The following KIAA1671 variants were observed in gnomAD, a reference collection of about 807,000 sequenced individuals.
The protein encoded by KIAA1671 is uncharacterized protein KIAA1671.
A neutral mutation model predicts 131.2 loss-of-function variants in KIAA1671; 52 were observed. That is an observed-to-expected ratio of 0.40 (90% CI 0.32 to 0.50). KIAA1671 has a LOEUF of 0.50. Among genes scored for constraint, KIAA1671 ranks in the 20% least tolerant of loss-of-function variants. The probability of loss-of-function intolerance (pLI) is 0.73; values close to 1 mark genes in which losing one functional copy is unlikely to be tolerated. For missense variants in KIAA1671, 2,360 were observed against 2,364.2 expected (o/e 1.00, Z 0.04); for synonymous variants, 1,003 against 961.6 (o/e 1.04, Z -0.80).
rs1373019440 is a variant in KIAA1671, at chr22:25,177,341, C to G, written c.4900-7C>G. 3.9e-6 allele frequency: 6 copies of G among 1,544,856 alleles called. No individual in the cohort carries two copies. Among genetic ancestry groups the G allele is most frequent in the Non-Finnish European group, 5.2e-6 (6 of 1,142,966 alleles). ...TTTTTTCCTCTTCCTCCCTGCTGCT[C>G]CCAAAGCAAACCTCAGTCCTCGACT... On this transcript the variant is annotated splice_polypyrimidine_tract_variant and splice_region_variant and intron_variant, in intron 8 of 12. Coordinates refer to ENST00000358431, the MANE Select transcript of KIAA1671 (RefSeq NM_001145206.2).
intron 6 of KIAA1671, among the ~76,000 whole-genome samples, chr22:25,112,916 G>T (rs1278524115): frequency 6.6e-6 from 1 of 152,062 alleles, no homozygotes; most frequent in Non-Finnish European, 1.5e-5. Flanking sequence ...TCATTGGATT[G>T]CCAAGGAAAG....
chr22:25,174,600 G>A (rs982071678), intron 8 of KIAA1671, 111 bp downstream of exon 8: 43 of 1,231,010 alleles, frequency 3.5e-5, no homozygotes, highest in Non-Finnish European at 4.2e-5. Context: ...GAGTGGGTAC[G>A]GAGGGCACTG....
At chr22:25,032,965 A>C (rs1424593977) in intron 4 of KIAA1671, among the ~76,000 whole-genome samples, 1 of 152,166 alleles carries the variant, frequency 6.6e-6, no homozygotes, top group African/African-American at 2.4e-5. Flanking sequence ...TGGCTTTCTT[A>C]TATAGGAGTG....
chr22:25,038,785 G>C lies in KIAA1671; in HGVS notation c.1655G>C (p.Gly552Ala), dbSNP rs1202514732. The change falls in exon 5 of 13, where the codon GGA becomes GCA. Residue 552 changes from glycine (G) to alanine (A), a missense_variant. By Grantham distance (60) the Gly-to-Ala change is moderately conservative. Transcript: ENST00000358431. ...EKQKEGHSLDGACIPRSPWKP... is the reference protein window; with the variant it reads ...EKQKEGHSLDAACIPRSPWKP... ...CAAAAGGAGGGGCACAGTTTGGATGGAGCATGCATCCCGAGAAGCCCCTGG... is the reference window on the plus strand; with the variant it reads ...CAAAAGGAGGGGCACAGTTTGGATGCAGCATGCATCCCGAGAAGCCCCTGG... The C allele has an allele frequency of 3.1e-5, 48 of 1,548,000 alleles. No homozygotes were observed. The highest frequency in any genetic ancestry group is 4.0e-5 in the Non-Finnish European group (46 of 1,143,836).
chr22:25,028,306 G>A lies in KIAA1671; in HGVS notation c.307G>A (p.Ala103Thr). The A allele has an allele frequency of 6.4e-7, 1 of 1,551,122 alleles. No individual in the cohort carries two copies. The highest frequency in any genetic ancestry group is 2.0e-5 in the Admixed American group (1 of 51,010). The change falls in exon 3 of 13, where the codon GCA (alanine) becomes ACA (threonine). Residue 103 changes from alanine (A) to threonine (T), a missense_variant. Around this residue, in one of 3 missense-constraint regions of KIAA1671, gnomAD observed 1,185 missense variants for 1,126.2 expected, o/e 1.05. Coordinates refer to ENST00000358431, the MANE Select transcript of KIAA1671 (RefSeq NM_001145206.2). ...PSGGLSEEPA[A>T]KDLDNRMPGL... ...TGGGGGGCTCTCTGAGGAGCCAGCA[G>A]CAAAGGATCTGGACAACAGGATGCC...
chr22:25,191,499 C>T (rs1601399042), intron 12 of KIAA1671, among the ~76,000 whole-genome samples: 1 of 152,218 alleles, frequency 6.6e-6, no homozygotes, highest in South Asian at 2.1e-4. Flanking sequence ...TCATATACAA[C>T]CTATGTAGTT....
chr22:25,003,048 C>T (rs911474087), intron 1 of KIAA1671, among the ~76,000 whole-genome samples: 7 of 152,310 alleles, frequency 4.6e-5, no homozygotes, highest in Non-Finnish European at 1.0e-4. Flanking sequence ...GCTGGGATTA[C>T]AGGCATGAGC....
At chr22:24,972,202 C>T (rs8137284) in intron 1 of KIAA1671, among the ~76,000 whole-genome samples, 6,959 of 152,218 alleles carry the variant, frequency 0.046, 564 homozygotes, top group African/African-American at 0.16. Flanking sequence ...TTAACAACAA[C>T]TAAAATATTG....
rs8136267 is a variant in KIAA1671 at position 25,020,766 on chromosome 22, C to T, written c.-207-4867C>T. Among the ~76,000 whole-genome samples the T allele has an allele frequency of 1.9e-3, 290 of 152,296 alleles. 3 individuals are homozygous for T. The highest frequency in any genetic ancestry group is 6.8e-3 in the African/African-American group (281 of 41,556). ...GTGCAGAGGCATGAAGGCGAGAAAG[C>T]GTACACTGTGTTTTGTGGCCTGTCT... is the stretch of plus-strand genomic sequence containing the variant. On this transcript the variant is annotated intron_variant, in intron 1 of 12. Transcript: ENST00000358431.
chr22:25,038,994 C>T lies in KIAA1671; in HGVS notation c.1864C>T (p.His622Tyr), dbSNP rs955130651. ...ATVFEHHVER[H>Y]TVADQSGRCL... Reference sequence around the variant, plus strand: ...AGTATTTGAGCACCACGTGGAGAGACACACAGTGGCTGACCAGTCGGGACG... The same window carrying T: ...AGTATTTGAGCACCACGTGGAGAGATACACAGTGGCTGACCAGTCGGGACG... The change falls in exon 5 of 13, where the codon CAC becomes TAC. Residue 622 changes from histidine to tyrosine, a missense_variant. Transcript: ENST00000358431. The T allele has an allele frequency of 2.6e-6, 4 of 1,551,786 alleles. No individual in the cohort carries two copies. The highest frequency in any genetic ancestry group is 3.5e-6 in the Non-Finnish European group (4 of 1,147,038).
At chr22:25,151,761 A>G (rs1933053378) in intron 6 of KIAA1671, among the ~76,000 whole-genome samples, 1 of 151,284 alleles carries the variant, frequency 6.6e-6, no homozygotes, top group Non-Finnish European at 1.5e-5. Context: ...TCTTTTTGAG[A>G]CAGGTCTTGC....
chr22:25,185,447 A>C, intron 11 of KIAA1671: 1 of 269,644 alleles, frequency 3.7e-6, no homozygotes, highest in East Asian at 7.1e-5. Flanking sequence ...AAACTGAGGC[A>C]TTCTCCCTCC....
At chr22:25,017,816 C>T (rs1392207298) in intron 1 of KIAA1671, among the ~76,000 whole-genome samples, 1 of 152,162 alleles carries the variant, frequency 6.6e-6, no homozygotes, top group Non-Finnish European at 1.5e-5. Context: ...CCCATGCAAC[C>T]TGGACTCAAG....
At chr22:25,147,951 T>C (rs895763861) in intron 6 of KIAA1671, among the ~76,000 whole-genome samples, 4 of 152,160 alleles carry the variant, frequency 2.6e-5, no homozygotes, top group Admixed American at 2.6e-4. Flanking sequence ...CTAGGATCTG[T>C]CCTTCCTCCT....
At chr22:25,117,814 C>G (rs1931752600) in intron 6 of KIAA1671, among the ~76,000 whole-genome samples, 1 of 152,110 alleles carries the variant, frequency 6.6e-6, no homozygotes, top group African/African-American at 2.4e-5. Flanking sequence ...CTTCATCTCT[C>G]ACAGTTCCGG....
chr22:25,030,582 TTTGGTTAATACTGATGTTCTAAGTCAG>T (rs1227773595), intron 3 of KIAA1671, among the ~76,000 whole-genome samples: 1 of 152,066 alleles, frequency 6.6e-6, no homozygotes, highest in Non-Finnish European at 1.5e-5. Context: ...TTCTTAGTCA[TTTGGTTAATACTGATGTTCTAAGTCAG>T]TTGGTTAATA....
rs375387531 is a variant in KIAA1671, at chr22:25,030,670, A to G, written c.1541+1130A>G. Among the ~76,000 whole-genome samples, 18 of 152,388 alleles carry G rather than the reference A, an allele frequency of 1.2e-4. 1 individual carries two copies. In the East Asian group the frequency reaches 2.9e-3, roughly 24 times the overall value. On this transcript the variant is annotated intron_variant, in intron 3 of 12. Coordinates refer to ENST00000358431, the MANE Select transcript of KIAA1671 (RefSeq NM_001145206.2). ...GATATTCTAAGTCAGATGGCTAATA[A>G]TGATATTCTAAGTCGGTTGGTTAAT...
At chr22:25,179,925 C>T (rs1457818949) in intron 9 of KIAA1671, among the ~76,000 whole-genome samples, 1 of 152,194 alleles carries the variant, frequency 6.6e-6, no homozygotes, top group Admixed American at 6.5e-5. Context: ...GGCTGCTTAC[C>T]GTATCAAAAC....
intron 6 of KIAA1671, among the ~76,000 whole-genome samples, chr22:25,132,050 AT>A (rs1476690528): frequency 6.6e-6 from 1 of 152,204 alleles, no homozygotes; most frequent in Non-Finnish European, 1.5e-5. Context: ...GTGCTGTTAT[AT>A]TATTCCCAGA....
Sources: gnomAD v4.1 joint callset for allele counts (sites outside exome capture counted in the v4.1 genomes callset) on GRCh38, gnomAD v4.1.1 for gene constraint, gnomAD v4.1.1 regional missense constraint, MANE v1.5 for transcripts, NCBI Gene and HGNC (gene_info 2026-07-23, HGNC 2026-07-21) for gene names.